LRP1B: variants seen among roughly 807,000 people sequenced by gnomAD.
LRP1B encodes the protein LDL receptor related protein 1B, also known as low-density lipoprotein receptor-related protein 1B.
In LRP1B, 217 loss-of-function variants were observed where a neutral mutation model predicts 556.6. The observed-to-expected ratio is 0.39, with a 90% CI of 0.35 to 0.44. The LOEUF is 0.44. LRP1B is among the 20% of genes least tolerant of loss of function. The pLI is 1.00. For missense variants in LRP1B, 5,053 were observed against 5,620.8 expected (o/e 0.90, Z 3.23); for synonymous variants, 2,047 against 1,865.8 (o/e 1.10, Z -2.50).
chr2:140,271,050 T>A (rs1329130405), intron 85 of LRP1B, among the ~76,000 whole-genome samples: 1 of 151,900 alleles, frequency 6.6e-6, no homozygotes, highest in Non-Finnish European at 1.5e-5. Flanking sequence ...GCATCACAGG[T>A]TAGGGACAAG....
intron 1 of LRP1B, among the ~76,000 whole-genome samples, chr2:141,929,612 G>T (rs527891788): frequency 1.3e-5 from 2 of 152,102 alleles, no homozygotes; most frequent in African/African-American, 4.8e-5. Context: ...TAGTTTTAGA[G>T]AGTTAAAATT....
At chr2:141,212,927 C>T (rs773625185) in intron 6 of LRP1B, among the ~76,000 whole-genome samples, 43 of 152,200 alleles carry the variant, frequency 2.8e-4, no homozygotes, top group Non-Finnish European at 5.7e-4. Context: ...TTTCTGGTCA[C>T]GAAAACATCA....
intron 2 of LRP1B, among the ~76,000 whole-genome samples, chr2:141,637,749 T>G (rs1267901382): frequency 1.3e-5 from 2 of 152,172 alleles, no homozygotes; most frequent in Non-Finnish European, 2.9e-5. Flanking sequence ...CATCTGATGT[T>G]TGGATGTTTG....
intron 7 of LRP1B, among the ~76,000 whole-genome samples, chr2:141,072,695 C>G (rs1236265110): frequency 1.3e-5 from 2 of 152,002 alleles, no homozygotes; most frequent in East Asian, 3.9e-4. Flanking sequence ...TTTTCTTTCT[C>G]ATTCCTTCTC....
At chr2:141,307,679 G>C (rs1387810825) in intron 3 of LRP1B, among the ~76,000 whole-genome samples, 3 of 152,278 alleles carry the variant, frequency 2.0e-5, no homozygotes, top group Non-Finnish European at 4.4e-5. Context: ...TGCATGCCAG[G>C]TGGGTCACTC....
intron 3 of LRP1B, among the ~76,000 whole-genome samples, chr2:141,316,693 G>T (rs921795629): frequency 3.3e-5 from 5 of 152,146 alleles, no homozygotes; most frequent in Non-Finnish European, 7.3e-5. Context: ...TGAGCAAATG[G>T]GAAAAGATAA....
intron 2 of LRP1B, among the ~76,000 whole-genome samples, chr2:141,606,103 C>CT (rs1355470353): frequency 6.6e-6 from 1 of 152,160 alleles, no homozygotes. Context: ...CATCTCAGCT[C>CT]TTTTAAGCAC....
chr2:141,826,587 C>T (rs1435572388), intron 1 of LRP1B, among the ~76,000 whole-genome samples: 1 of 152,024 alleles, frequency 6.6e-6, no homozygotes, highest in Non-Finnish European at 1.5e-5. Flanking sequence ...TCTCCATCTC[C>T]TGACCTCGTG....
chr2:140,301,030 T>C (rs1683798672), intron 83 of LRP1B, among the ~76,000 whole-genome samples: 2 of 152,130 alleles, frequency 1.3e-5, no homozygotes. Context: ...TTTATCTCTA[T>C]TATTTATTTA....
intron 67 of LRP1B, among the ~76,000 whole-genome samples, chr2:140,380,252 G>C (rs1573867959): frequency 6.6e-6 from 1 of 152,256 alleles, no homozygotes; most frequent in East Asian, 1.9e-4. Context: ...ACCAGGGCCT[G>C]TACTTTTTCC....
intron 35 of LRP1B, among the ~76,000 whole-genome samples, chr2:140,745,657 T>G (rs1291875982): frequency 6.6e-6 from 1 of 152,138 alleles, no homozygotes; most frequent in African/African-American, 2.4e-5. Flanking sequence ...ATTTGTTCCC[T>G]TTCATGAAAG....
intron 3 of LRP1B, among the ~76,000 whole-genome samples, chr2:141,461,098 T>A (rs1428824371): frequency 6.6e-6 from 1 of 151,256 alleles, no homozygotes; most frequent in East Asian, 1.9e-4. Context: ...GTAAATGAGA[T>A]CACTAAGCAA....
intron 3 of LRP1B, among the ~76,000 whole-genome samples, chr2:141,314,875 CATACATAT>C (rs1185351669): frequency 4.4e-4 from 55 of 126,028 alleles, no homozygotes; most frequent in South Asian, 2.4e-3. Flanking sequence ...TACATATATA[CATACATAT>C]ATACATATAT....
At chr2:141,809,453 C>T (rs1232128870) in intron 2 of LRP1B, among the ~76,000 whole-genome samples, 2 of 151,706 alleles carry the variant, frequency 1.3e-5, no homozygotes, top group East Asian at 1.9e-4. Flanking sequence ...ACCTGGTTGC[C>T]TGAAGAGCAC....
At chr2:140,815,634 A>G (rs1285938830) in intron 31 of LRP1B, among the ~76,000 whole-genome samples, 2 of 152,302 alleles carry the variant, frequency 1.3e-5, no homozygotes, top group Non-Finnish European at 2.9e-5. Context: ...GGCACTGGTT[A>G]TATAGGCAAG....
intron 84 of LRP1B, among the ~76,000 whole-genome samples, chr2:140,291,320 T>TATGTATATATA (rs745524571): frequency 3.9e-5 from 2 of 51,854 alleles, no homozygotes; most frequent in Non-Finnish European, 7.7e-5. Flanking sequence ...ATATATATAT[T>TATGTATATATA]TTTATTATAC....
chr2:142,045,393 T>C (rs977863843), intron 1 of LRP1B, among the ~76,000 whole-genome samples: 3 of 151,892 alleles, frequency 2.0e-5, no homozygotes, highest in Admixed American at 1.3e-4. Context: ...CTCATACCGA[T>C]TGCAAATATT....
intron 86 of LRP1B, among the ~76,000 whole-genome samples, chr2:140,268,558 G>T (rs890640081): frequency 2.0e-5 from 3 of 151,960 alleles, no homozygotes; most frequent in Admixed American, 6.6e-5. Context: ...TACTCATTAT[G>T]ACACTGGTTA....
At chr2:141,066,515 T>G (rs1417685152) in intron 7 of LRP1B, among the ~76,000 whole-genome samples, 1 of 151,982 alleles carries the variant, frequency 6.6e-6, no homozygotes, top group Non-Finnish European at 1.5e-5. Context: ...ACTGACATCT[T>G]AAAGCATGCA....
Sources: gnomAD v4.1 joint callset for allele counts (sites outside exome capture counted in the v4.1 genomes callset) on GRCh38, gnomAD v4.1.1 for gene constraint, MANE v1.5 for transcripts, NCBI Gene and HGNC (gene_info 2026-07-23, HGNC 2026-07-21) for gene names.